RIMS2: variants seen among roughly 807,000 people sequenced by gnomAD.
RIMS2 encodes regulating synaptic membrane exocytosis protein 2.
Under a neutral mutation model 174.4 loss-of-function variants are expected in RIMS2, and 59 were observed. That is an observed-to-expected ratio of 0.34 (90% CI 0.27 to 0.42). RIMS2 has a LOEUF of 0.42. Ranked by LOEUF, RIMS2 falls within the 10% of genes least tolerant of loss-of-function variation. The pLI, the probability that RIMS2 is intolerant of heterozygous loss-of-function variation, is 1.00. For missense variants in RIMS2, 1,620 were observed against 1,666.3 expected (o/e 0.97, Z 0.48); for synonymous variants, 606 against 572.5 (o/e 1.06, Z -0.84).
chr8:104,148,842 C>A, intron 19 of RIMS2: 1 of 1,596,930 alleles, frequency 6.3e-7, no homozygotes, highest in Non-Finnish European at 8.5e-7. Flanking sequence ...TCAGCTCAGC[C>A]AAACGGGTAG....
intron 19 of RIMS2, among the ~76,000 whole-genome samples, chr8:104,062,607 G>T (rs1004380759): frequency 2.0e-5 from 3 of 152,050 alleles, no homozygotes; most frequent in Non-Finnish European, 4.4e-5. Flanking sequence ...ATAAATATAT[G>T]TAGCCATGTT....
At chr8:103,668,221 C>T (rs1435225443) in intron 1 of RIMS2, among the ~76,000 whole-genome samples, 1 of 152,160 alleles carries the variant, frequency 6.6e-6, no homozygotes, top group Non-Finnish European at 1.5e-5. Context: ...ATATCTTTGA[C>T]CAAGGCAACC....
intron 3 of RIMS2, among the ~76,000 whole-genome samples, chr8:103,833,337 A>T (rs2098837491): frequency 1.3e-5 from 2 of 152,006 alleles, no homozygotes; most frequent in African/African-American, 4.8e-5. Context: ...TTATGCTTAC[A>T]TGTGTGTTTT....
At chr8:103,856,261 A>G (rs553482252) in intron 3 of RIMS2, among the ~76,000 whole-genome samples, 1 of 152,168 alleles carries the variant, frequency 6.6e-6, no homozygotes, top group Admixed American at 6.6e-5. Context: ...ACAGTGGTAC[A>G]GTGGTAAATC....
rs180876415 is a variant in RIMS2 at position 104,130,871 on chromosome 8, C to T, written c.3335-114045C>T. ...AAAGAGAAAAAAGCAGATGTCAAGG[C>T]ACATAAAACTGAAATTAGGCAGGTA... On this transcript the variant is annotated intron_variant, in intron 19 of 23. Transcript: ENST00000504942. Among the ~76,000 whole-genome samples, 3 of 152,076 alleles carry T rather than the reference C, an allele frequency of 2.0e-5. No homozygotes were observed. In the East Asian group the frequency reaches 5.8e-4, roughly 29 times the overall value.
chr8:103,943,392 T>A (rs1438533361), intron 14 of RIMS2, among the ~76,000 whole-genome samples: 4 of 152,190 alleles, frequency 2.6e-5, no homozygotes, highest in African/African-American at 4.8e-5. Flanking sequence ...AGTTTAAATA[T>A]TAATTCTTAC....
chr8:104,112,364 T>C (rs1156862710), intron 19 of RIMS2, among the ~76,000 whole-genome samples: 1 of 152,126 alleles, frequency 6.6e-6, no homozygotes, highest in Admixed American at 6.6e-5. Flanking sequence ...ACTGATTTTA[T>C]AGCTCATGCA....
At chr8:104,112,183 T>C (rs912251959) in intron 19 of RIMS2, among the ~76,000 whole-genome samples, 5 of 152,188 alleles carry the variant, frequency 3.3e-5, no homozygotes, top group Middle Eastern at 3.2e-3. Context: ...GGTCAATCAA[T>C]GTAATAACGA....
chr8:103,750,352 C>T (rs1420241744), intron 2 of RIMS2, among the ~76,000 whole-genome samples: 1 of 152,108 alleles, frequency 6.6e-6, no homozygotes, highest in Admixed American at 6.5e-5. Context: ...TACAAATATA[C>T]TATCAGTTGA....
intron 1 of RIMS2, among the ~76,000 whole-genome samples, chr8:103,535,181 T>C (rs1425116894): frequency 6.6e-6 from 1 of 152,208 alleles, no homozygotes; most frequent in African/African-American, 2.4e-5. Flanking sequence ...CTTTGTGAAA[T>C]TTTATCCTAG....
intron 1 of RIMS2, among the ~76,000 whole-genome samples, chr8:103,575,688 A>G (rs1047658275): frequency 7.4e-5 from 11 of 148,626 alleles, no homozygotes; most frequent in Admixed American, 4.7e-4. Flanking sequence ...ACACACACAT[A>G]TATATATATA....
chr8:103,507,753 G>T (rs1824383337), intron 1 of RIMS2, among the ~76,000 whole-genome samples: 1 of 151,938 alleles, frequency 6.6e-6, no homozygotes, highest in Non-Finnish European at 1.5e-5. Context: ...TTAAATTTAA[G>T]GAATATTAGG....
At position 103,601,636 on chromosome 8, in the gene RIMS2, T is replaced by C. The variant is rs12056379; in HGVS notation, c.177-95450T>C. On this transcript the variant is annotated intron_variant, in intron 1 of 23. Coordinates refer to ENST00000504942, the Ensembl canonical transcript of RIMS2. ...ATCTATTCAGCCACTCTGTGTCTTTTGATTGGAAAGTTTAGTCCATTTATA... is the reference window on the plus strand; with the variant it reads ...ATCTATTCAGCCACTCTGTGTCTTTCGATTGGAAAGTTTAGTCCATTTATA... Among the ~76,000 whole-genome samples, 3 of 152,300 alleles carry C rather than the reference T, an allele frequency of 2.0e-5. No homozygotes were observed. In the East Asian group the frequency reaches 5.8e-4, roughly 29 times the overall value.
intron 16 of RIMS2, among the ~76,000 whole-genome samples, chr8:103,988,980 T>C (rs1485710912): frequency 3.9e-5 from 6 of 152,138 alleles, no homozygotes; most frequent in Admixed American, 2.0e-4. Context: ...TCCTCTTGAG[T>C]ATATTATTGA....
Position 104,095,667 on chromosome 8 carries a change from T to C in RIMS2, c.3334+81052T>C, listed in dbSNP as rs7827521. Among the ~76,000 whole-genome samples, 361 of 152,048 alleles carry C rather than the reference T, an allele frequency of 2.4e-3. 1 individual carries two copies. Among genetic ancestry groups the C allele is most frequent in the African/African-American group, 7.8e-3 (323 of 41,460 alleles). Reference sequence around the variant, plus strand: ...AATTACATTTATATGAGACTGAAAATTGTAAATTATGTACATTTTGGAGGG... The same window carrying C: ...AATTACATTTATATGAGACTGAAAACTGTAAATTATGTACATTTTGGAGGG... On this transcript the variant is annotated intron_variant, in intron 19 of 23. Transcript: ENST00000504942.
intron 1 of RIMS2, among the ~76,000 whole-genome samples, chr8:103,510,995 T>G (rs1826200130): frequency 6.6e-6 from 1 of 152,194 alleles, no homozygotes; most frequent in Non-Finnish European, 1.5e-5. Flanking sequence ...AAAAGTATTT[T>G]GTATTCAGAG....
At chr8:103,602,681 C>T (rs893487481) in intron 1 of RIMS2, among the ~76,000 whole-genome samples, 1 of 152,158 alleles carries the variant, frequency 6.6e-6, no homozygotes, top group Non-Finnish European at 1.5e-5. Flanking sequence ...ATATGTTCTA[C>T]ACTTTCTTCA....
chr8:104,184,814 A>G (rs1259582775), intron 19 of RIMS2, among the ~76,000 whole-genome samples: 4 of 151,604 alleles, frequency 2.6e-5, no homozygotes, highest in African/African-American at 7.3e-5. Flanking sequence ...AGATCAAGTC[A>G]ATTGACACTC....
rs78469679 is a variant in RIMS2 at position 103,557,494 on chromosome 8, A to G, written c.176+56432A>G. ...TTTTATATTGGTTTTAGACTTTGTG[A>G]TATTTAAAAACATGTTTTATATATC... On this transcript the variant is annotated intron_variant, in intron 1 of 23. Transcript: ENST00000504942. 1.2e-4 allele frequency among the ~76,000 whole-genome samples: 18 copies of G among 152,294 alleles called. No homozygotes were observed. In the East Asian group the frequency reaches 3.3e-3, roughly 28 times the overall value.
Sources: gnomAD v4.1 joint callset for allele counts (sites outside exome capture counted in the v4.1 genomes callset) on GRCh38, gnomAD v4.1.1 for gene constraint, MANE v1.5 for transcripts, NCBI Gene and HGNC (gene_info 2026-07-23, HGNC 2026-07-21) for gene names.